SLC41A3: variants seen among roughly 807,000 people sequenced by gnomAD.
SLC41A3 encodes solute carrier family 41 member 3.
SLC41A3 carries 44 observed loss-of-function variants against 45.4 expected under a neutral mutation model. That is an observed-to-expected ratio of 0.97 (90% CI 0.76 to 1.25). The LOEUF is 1.25. Ranked by LOEUF, SLC41A3 falls within the 50% of genes most tolerant of loss-of-function variation. The pLI, the probability that SLC41A3 is intolerant of heterozygous loss-of-function variation, is 0.00. For missense variants in SLC41A3, 550 were observed against 600.6 expected (o/e 0.92, Z 0.88); for synonymous variants, 256 against 252.4 (o/e 1.01, Z -0.13).
At chr3:126,059,263 G>GAAGAAAGAAAGAAAGAAAGAAAGA (rs1553740748) in intron 2 of SLC41A3, among the ~76,000 whole-genome samples, 2 of 11,738 alleles carry the variant, frequency 1.7e-4, no homozygotes, top group East Asian at 2.9e-3. Context: ...AAGAAAGAAA[G>GAAGAAAGAAAGAAAGAAAGAAAGA]AAGAAAGAAA....
intron 4 of SLC41A3, among the ~76,000 whole-genome samples, chr3:126,031,308 A>G (rs1424396538): frequency 2.0e-5 from 3 of 152,234 alleles, no homozygotes; most frequent in African/African-American, 7.2e-5. Context: ...TAGAGCTTTG[A>G]ACTGTTCATA....
intron 7 of SLC41A3, 33 bp from the exon 8 acceptor site, chr3:126,015,606 A>T (rs756652688): frequency 1.9e-6 from 3 of 1,608,206 alleles, no homozygotes; most frequent in Middle Eastern, 1.7e-4. Context: ...TCAAGTTATC[A>T]GAGTTTACAC....
At chr3:126,071,392 AG>A (rs1244652833) in intron 1 of SLC41A3, among the ~76,000 whole-genome samples, 4 of 152,218 alleles carry the variant, frequency 2.6e-5, no homozygotes, top group Non-Finnish European at 5.9e-5. Flanking sequence ...CTAACAACAA[AG>A]CCCCCAAATA....
chr3:126,098,430 G>C (rs1945645125), intron 1 of SLC41A3, among the ~76,000 whole-genome samples: 1 of 152,244 alleles, frequency 6.6e-6, no homozygotes, highest in African/African-American at 2.4e-5. Flanking sequence ...TAAGTGTATT[G>C]TTTAAGCCCC....
intron 3 of SLC41A3, among the ~76,000 whole-genome samples, chr3:126,047,439 G>A (rs1943038377): frequency 6.6e-6 from 1 of 152,144 alleles, no homozygotes; most frequent in Admixed American, 6.6e-5. Context: ...GGAATTTAAG[G>A]GACCCTGAAT....
Position 126,006,601 on chromosome 3 carries a change from T to C in SLC41A3, c.*415A>G. 1.9e-6 allele frequency: 3 copies of C among 1,574,326 alleles called. No individual in the cohort carries two copies. The highest frequency in any genetic ancestry group is 2.6e-6 in the Non-Finnish European group (3 of 1,167,208). ...AGCAAGTAAGCCACAGCTCAAGAGTTCTGAGGCTTGGGAACAGAAAAGAGC... is the reference window on the plus strand; with the variant it reads ...AGCAAGTAAGCCACAGCTCAAGAGTCCTGAGGCTTGGGAACAGAAAAGAGC... On this transcript the variant is annotated 3_prime_UTR_variant, in exon 11 of 11. Coordinates refer to ENST00000360370, the MANE Select transcript of SLC41A3 (RefSeq NM_017836.4).
chr3:126,055,911 A>G (rs1032408513), intron 2 of SLC41A3, among the ~76,000 whole-genome samples: 1 of 152,146 alleles, frequency 6.6e-6, no homozygotes, highest in African/African-American at 2.4e-5. Flanking sequence ...CTCTGCCCAC[A>G]GGGACCACAG....
At chr3:126,049,080 C>T (rs2107871113) in intron 3 of SLC41A3, among the ~76,000 whole-genome samples, 1 of 152,350 alleles carries the variant, frequency 6.6e-6, no homozygotes, top group South Asian at 2.1e-4. Flanking sequence ...GCGGGTGGAT[C>T]ACGAGGTCGG....
rs1261692075 is a variant in SLC41A3, at chr3:126,059,295, AAAG to A, written c.274-8248_274-8246del. 3.5e-3 allele frequency among the ~76,000 whole-genome samples: 440 copies of A among 127,524 alleles called. 12 individuals carry two copies. The highest frequency in any genetic ancestry group is 4.8e-3 in the Non-Finnish European group (281 of 58,282). 83.7% of individuals were successfully genotyped at this position (127,524 alleles called of 152,430 possible). ...GAAAGAAAGAAAGAAAGAAAGAAAGAAAGAAAGAAAGAAAGGAAGGATGATCTG... is the reference window on the plus strand; with the variant it reads ...GAAAGAAAGAAAGAAAGAAAGAAAGAAAAGAAAGAAAGGAAGGATGATCTG... On this transcript the variant is annotated intron_variant, in intron 2 of 10. Transcript: ENST00000360370.
intron 1 of SLC41A3, among the ~76,000 whole-genome samples, chr3:126,072,831 G>A (rs975803480): frequency 1.1e-4 from 16 of 152,150 alleles, no homozygotes; most frequent in African/African-American, 2.7e-4. Context: ...TATGTTCATC[G>A]CAGCACTATT....
chr3:126,045,402 GA>G (rs1942899588), intron 3 of SLC41A3, among the ~76,000 whole-genome samples: 1 of 146,604 alleles, frequency 6.8e-6, no homozygotes, highest in Non-Finnish European at 1.5e-5. Context: ...AATTGACTAA[GA>G]AAAAAAAGAA....
intron 3 of SLC41A3, among the ~76,000 whole-genome samples, chr3:126,037,331 A>AAG (rs1203851775): frequency 1.3e-5 from 2 of 152,184 alleles, no homozygotes; most frequent in Non-Finnish European, 2.9e-5. Context: ...GGCTCAGAAG[A>AAG]AGACAGGAAG....
intron 1 of SLC41A3, among the ~76,000 whole-genome samples, chr3:126,077,336 C>T (rs1420856147): frequency 6.6e-6 from 1 of 152,096 alleles, no homozygotes; most frequent in Non-Finnish European, 1.5e-5. Flanking sequence ...GCTGAAATCG[C>T]ACCACTGCAC....
At position 126,026,551 on chromosome 3, in the gene SLC41A3, C is replaced by T. The variant is rs1385405547; in HGVS notation, c.454-72G>A. ...GCCACACTCCCTGCCCTTCACACCTCACTCACCGCAAGGGGCCGGGTGCCA... is the reference window on the plus strand; with the variant it reads ...GCCACACTCCCTGCCCTTCACACCTTACTCACCGCAAGGGGCCGGGTGCCA... On this transcript the variant is annotated intron_variant, in intron 4 of 10. Coordinates refer to ENST00000360370, the MANE Select transcript of SLC41A3 (RefSeq NM_017836.4). This position sits in a 1 kb window ranked among gnomAD's most constrained non-coding sequence, Gnocchi z 4.2. 8 of 1,544,466 alleles carry T rather than the reference C, an allele frequency of 5.2e-6. No homozygotes were observed. Among genetic ancestry groups the T allele is most frequent in the Non-Finnish European group, 7.0e-6 (8 of 1,140,382 alleles).
At chr3:126,056,978 G>A in intron 2 of SLC41A3, 2 of 1,033,960 alleles carry the variant, frequency 1.9e-6, no homozygotes, top group East Asian at 8.1e-5. Flanking sequence ...AGCCCACGTG[G>A]TGCCTGGCCT....
chr3:126,098,154 T>C (rs565005560), intron 1 of SLC41A3, among the ~76,000 whole-genome samples: 1 of 152,356 alleles, frequency 6.6e-6, no homozygotes, highest in East Asian at 1.9e-4. Context: ...AATTCATATG[T>C]TGAATTGCTA....
intron 2 of SLC41A3, among the ~76,000 whole-genome samples, chr3:126,063,317 T>C (rs1944168720): frequency 6.6e-6 from 1 of 151,934 alleles, no homozygotes; most frequent in Non-Finnish European, 1.5e-5. Flanking sequence ...CCTGGGCCTC[T>C]TGGCTACCCA....
chr3:126,029,262 A>C (rs1941613470), intron 4 of SLC41A3, among the ~76,000 whole-genome samples: 1 of 152,198 alleles, frequency 6.6e-6, no homozygotes, highest in African/African-American at 2.4e-5. Flanking sequence ...GCCAGGTGGG[A>C]GGTGACTGGA....
At chr3:126,085,706 A>G (rs1259723536), upstream of SLC41A3, among the ~76,000 whole-genome samples, 2 of 152,074 alleles carry the variant, frequency 1.3e-5, no homozygotes, top group Non-Finnish European at 2.9e-5. Context: ...GAGGAATTGA[A>G]CTGTTGTTTT....
Sources: gnomAD v4.1 joint callset for allele counts (sites outside exome capture counted in the v4.1 genomes callset) on GRCh38, gnomAD v4.1.1 for gene constraint, Gnocchi (gnomAD v3.1) non-coding constraint, MANE v1.5 for transcripts, NCBI Gene and HGNC (gene_info 2026-07-23, HGNC 2026-07-21) for gene names.